PTK2: variants seen among roughly 807,000 people sequenced by gnomAD.
PTK2 encodes the protein protein tyrosine kinase 2, also known as focal adhesion kinase 1.
PTK2 carries 45 observed loss-of-function variants against 150.1 expected under a neutral mutation model. The ratio of observed to expected loss-of-function variants is 0.30; its 90% confidence interval spans 0.24 to 0.38. PTK2 has a LOEUF of 0.38. Ranked by LOEUF, PTK2 falls within the 10% of genes least tolerant of loss-of-function variation. The pLI is 1.00. For missense variants in PTK2, 919 were observed against 1,307.3 expected, an observed-to-expected ratio of 0.70 and a Z score of 4.58; for synonymous variants, 432 against 449.2, an observed-to-expected ratio of 0.96 and a Z score of 0.48.
intron 14 of PTK2, among the ~76,000 whole-genome samples, chr8:140,769,057 T>C (rs2100074060): frequency 6.6e-6 from 1 of 152,196 alleles, no homozygotes; most frequent in Non-Finnish European, 1.5e-5. Flanking sequence ...TAGAATGTGA[T>C]TTAAAATTTT....
intron 22 of PTK2, chr8:140,721,935 T>C (rs2100043116): frequency 6.6e-6 from 1 of 152,208 alleles, no homozygotes; most frequent in Non-Finnish European, 1.5e-5. Context: ...ATTGTAAATA[T>C]CTGTTTGTTT....
intron 1 of PTK2, among the ~76,000 whole-genome samples, chr8:140,992,330 C>T (rs1046649754): frequency 2.7e-5 from 4 of 149,872 alleles, no homozygotes; most frequent in African/African-American, 9.8e-5. Context: ...ATTAGCTGGG[C>T]GTGGTGGCAT....
chr8:140,981,134 A>C (rs2100191276), intron 1 of PTK2, among the ~76,000 whole-genome samples: 1 of 151,990 alleles, frequency 6.6e-6, no homozygotes, highest in African/African-American at 2.4e-5. Context: ...ATGGAAAAAA[A>C]CAATATCATT....
At chr8:140,852,871 T>C (rs748391177) in intron 5 of PTK2, among the ~76,000 whole-genome samples, 84 of 152,184 alleles carry the variant, frequency 5.5e-4, no homozygotes, top group Non-Finnish European at 1.0e-3. Context: ...AAAGGCATAT[T>C]TTTAGGGCTG....
intron 13 of PTK2, among the ~76,000 whole-genome samples, chr8:140,790,136 G>A (rs2100087628): frequency 1.3e-5 from 2 of 152,046 alleles, no homozygotes; most frequent in African/African-American, 4.8e-5. Flanking sequence ...TAAAAAATTG[G>A]TAAAAAACTT....
At chr8:140,893,966 A>C (rs994878739) in intron 2 of PTK2, among the ~76,000 whole-genome samples, 1 of 152,212 alleles carries the variant, frequency 6.6e-6, no homozygotes, top group Non-Finnish European at 1.5e-5. Context: ...ACAAAACTAC[A>C]TGTGTCTTCT....
intron 1 of PTK2, among the ~76,000 whole-genome samples, chr8:140,936,326 T>C (rs1472299522): frequency 1.3e-5 from 2 of 152,168 alleles, no homozygotes; most frequent in Admixed American, 1.3e-4. Context: ...ATGTACTGTA[T>C]AGATAAATCA....
chr8:140,909,844 CTCA>C (rs1387389760), intron 2 of PTK2, among the ~76,000 whole-genome samples: 1 of 152,106 alleles, frequency 6.6e-6, no homozygotes, highest in Non-Finnish European at 1.5e-5. Context: ...CCTGTTACCC[CTCA>C]TATCTTTATG....
At chr8:140,850,298 C>A (rs1163150522) in intron 5 of PTK2, among the ~76,000 whole-genome samples, 1 of 151,880 alleles carries the variant, frequency 6.6e-6, no homozygotes, top group Non-Finnish European at 1.5e-5. Flanking sequence ...TGGTGGCAGG[C>A]ACCTATAATC....
rs398010102 is a variant in PTK2, at chr8:140,714,796, C to CAAA, written c.2142+2799_2142+2801dup. Among the ~76,000 whole-genome samples the CAAA allele has an allele frequency of 5.0e-3, 233 of 46,858 alleles. 30 individuals are homozygous for CAAA. Among genetic ancestry groups the CAAA allele is most frequent in the African/African-American group, 0.018 (201 of 11,072 alleles). 30.7% of individuals were successfully genotyped at this position (46,858 alleles called of 152,430 possible). A position where few individuals can be genotyped will look rare whatever the true frequency, so the allele number is the denominator to read the frequency against. ...CGGGCAATAGAGCAAGGCTCTGTCT[C>CAAA]AAAAAAAAAAAAAAAAAAAAAAAAA... On this transcript the variant is annotated intron_variant, in intron 23 of 31. Transcript: ENST00000522684.
rs755117157 is a variant in PTK2, at chr8:140,803,534, G to T, written c.975+9C>A. 6.3e-7 allele frequency: 1 copy of T among 1,594,582 alleles called. No homozygotes were observed. Reference sequence around the variant, plus strand: ...TTTTCCCTTAATGATGAACGTAACAGTTCCTTACCTCGGGTGCACCTGCTA... The same window carrying T: ...TTTTCCCTTAATGATGAACGTAACATTTCCTTACCTCGGGTGCACCTGCTA... On this transcript the variant is annotated intron_variant, in intron 11 of 31. Coordinates refer to ENST00000522684, the Ensembl canonical transcript of PTK2.
chr8:140,878,358 G>C (rs2100146915), intron 4 of PTK2, among the ~76,000 whole-genome samples: 1 of 152,172 alleles, frequency 6.6e-6, no homozygotes, highest in African/African-American at 2.4e-5. Flanking sequence ...CCAACACTTT[G>C]GGAGGCCAAG....
chr8:140,844,404 T>C (rs2100124110), intron 7 of PTK2, among the ~76,000 whole-genome samples: 1 of 151,526 alleles, frequency 6.6e-6, no homozygotes, highest in Non-Finnish European at 1.5e-5. Context: ...TTGGAATTTT[T>C]CTATAGAGGA....
At chr8:140,813,547 T>C (rs981857923) in intron 10 of PTK2, among the ~76,000 whole-genome samples, 12 of 151,504 alleles carry the variant, frequency 7.9e-5, no homozygotes, top group African/African-American at 2.9e-4. Context: ...CAAATGACTT[T>C]TGTGTAAATA....
At chr8:140,855,732 A>C (rs1224655844) in intron 5 of PTK2, among the ~76,000 whole-genome samples, 3 of 152,222 alleles carry the variant, frequency 2.0e-5, no homozygotes, top group Non-Finnish European at 2.9e-5. Flanking sequence ...ACATTTTAAA[A>C]TCATAGAGAC....
intron 27 of PTK2, among the ~76,000 whole-genome samples, chr8:140,679,514 A>G (rs1239677309): frequency 6.6e-6 from 1 of 152,170 alleles, no homozygotes; most frequent in Non-Finnish European, 1.5e-5. Context: ...CAGAAGTCTG[A>G]CAGTATGAGT....
At chr8:140,959,837 C>G (rs958424825) in intron 1 of PTK2, among the ~76,000 whole-genome samples, 1 of 151,674 alleles carries the variant, frequency 6.6e-6, no homozygotes, top group Non-Finnish European at 1.5e-5. Context: ...GCCTGCCCCC[C>G]ACCACCCTCC....
chr8:140,696,436 A>C (rs2100026646), intron 26 of PTK2, among the ~76,000 whole-genome samples: 1 of 152,212 alleles, frequency 6.6e-6, no homozygotes, highest in Admixed American at 6.5e-5. Context: ...TTCAAGCTTC[A>C]CGCTTGGCGC....
At chr8:140,833,654 C>T (rs908794121) in intron 7 of PTK2, among the ~76,000 whole-genome samples, 1 of 152,218 alleles carries the variant, frequency 6.6e-6, no homozygotes, top group Non-Finnish European at 1.5e-5. Context: ...CCAAACTCTA[C>T]ACAACTGTCC....
Sources: allele counts gnomAD v4.1 joint callset (sites outside exome capture counted in the v4.1 genomes callset), GRCh38; gene constraint gnomAD v4.1.1; transcripts MANE v1.5; gene names NCBI Gene and HGNC (gene_info 2026-07-23, HGNC 2026-07-21).